The following DACH1 variants were observed in gnomAD, a reference collection of about 807,000 sequenced individuals.
The protein encoded by DACH1 is dachshund family transcription factor 1.
DACH1 carries 12 observed loss-of-function variants against 54.2 expected under a neutral mutation model. The ratio of observed to expected loss-of-function variants is 0.22; its 90% CI spans 0.14 to 0.36. The LOEUF (loss-of-function observed/expected upper bound fraction) is 0.36, where lower values mean the gene tolerates loss of function less well. DACH1 is among the 10% of genes least tolerant of loss of function. DACH1 has a pLI of 1.00. For synonymous variants in DACH1, 386 were observed against 366.2 expected, an observed-to-expected ratio of 1.05 and a Z score of -0.62; for missense variants, 805 against 929.8, an observed-to-expected ratio of 0.87 and a Z score of 1.75.
chr13:71,567,737 T>C (rs991766302), intron 4 of DACH1, among the ~76,000 whole-genome samples: 1 of 152,020 alleles, frequency 6.6e-6, no homozygotes. Context: ...TGGTTGGAGG[T>C]GATAAAGTCG....
chr13:71,543,403 C>T (rs1214352945), intron 6 of DACH1, among the ~76,000 whole-genome samples: 3 of 151,818 alleles, frequency 2.0e-5, no homozygotes, highest in Non-Finnish European at 2.9e-5. Flanking sequence ...ATGATTAAAA[C>T]AAATAATAAA....
At chr13:71,815,978 G>T (rs971891508) in intron 1 of DACH1, among the ~76,000 whole-genome samples, 1 of 151,810 alleles carries the variant, frequency 6.6e-6, no homozygotes, top group East Asian at 1.9e-4. Flanking sequence ...CCAGCTACTC[G>T]GGAGGCTGAG....
chr13:71,529,183 G>GTTTTTTTTTTGTTT (rs1299574030), intron 6 of DACH1, among the ~76,000 whole-genome samples: 1 of 80,980 alleles, frequency 1.2e-5, no homozygotes, highest in African/African-American at 4.4e-5. Context: ...TGTGATTTGG[G>GTTTTTTTTTTGTTT]TTTTTTTTTT....
intron 1 of DACH1, among the ~76,000 whole-genome samples, chr13:71,811,578 A>G (rs899778262): frequency 6.6e-6 from 1 of 152,184 alleles, no homozygotes; most frequent in South Asian, 2.1e-4. Flanking sequence ...ATTTAACTCA[A>G]CACGAGGAAA....
intron 6 of DACH1, among the ~76,000 whole-genome samples, chr13:71,521,026 A>G (rs1881561539): frequency 6.6e-6 from 1 of 152,050 alleles, no homozygotes; most frequent in African/African-American, 2.4e-5. Context: ...CATTATTTTA[A>G]GTGAATAGCA....
At chr13:71,851,300 C>T (rs1873644356) in intron 1 of DACH1, among the ~76,000 whole-genome samples, 1 of 152,050 alleles carries the variant, frequency 6.6e-6, no homozygotes, top group African/African-American at 2.4e-5. Flanking sequence ...CTATTTACTG[C>T]TACAGTTAAA....
intron 3 of DACH1, among the ~76,000 whole-genome samples, chr13:71,615,625 A>G (rs1365898998): frequency 6.6e-6 from 1 of 152,178 alleles, no homozygotes; most frequent in Non-Finnish European, 1.5e-5. Flanking sequence ...CCTGAGCTTG[A>G]CACAGGCTCA....
intron 6 of DACH1, among the ~76,000 whole-genome samples, chr13:71,540,256 G>A (rs17088321): frequency 0.039 from 5,929 of 152,052 alleles, 157 homozygotes; most frequent in East Asian, 0.13. Flanking sequence ...GGAAACCTAA[G>A]CAGAGGCAAA....
intron 1 of DACH1, among the ~76,000 whole-genome samples, chr13:71,843,760 G>A (rs987171249): frequency 6.6e-6 from 1 of 152,092 alleles, no homozygotes; most frequent in African/African-American, 2.4e-5. Flanking sequence ...AGCCCCAAGT[G>A]CAACACTCTT....
At chr13:71,706,317 A>C (rs1222756834) in intron 1 of DACH1, among the ~76,000 whole-genome samples, 1 of 151,888 alleles carries the variant, frequency 6.6e-6, no homozygotes, top group Non-Finnish European at 1.5e-5. Context: ...TTAAGAACTT[A>C]GTATTAATTG....
chr13:71,804,052 C>G (rs1211575552), intron 1 of DACH1, among the ~76,000 whole-genome samples: 1 of 152,120 alleles, frequency 6.6e-6, no homozygotes, highest in Admixed American at 6.6e-5. Context: ...GGTGTAGTGG[C>G]TCACATAGGT....
At chr13:71,603,328 C>G (rs1047267799) in intron 3 of DACH1, among the ~76,000 whole-genome samples, 10 of 151,916 alleles carry the variant, frequency 6.6e-5, no homozygotes, top group African/African-American at 2.4e-5. Flanking sequence ...CGCAACTATC[C>G]TAGTTTAAAG....
intron 1 of DACH1, among the ~76,000 whole-genome samples, chr13:71,827,530 C>T (rs1269565473): frequency 3.9e-5 from 6 of 151,962 alleles, no homozygotes; most frequent in African/African-American, 7.2e-5. Context: ...ATAGCAGAAG[C>T]GCCAGCAGAC....
chr13:71,759,497 C>T (rs913050373), intron 1 of DACH1, among the ~76,000 whole-genome samples: 4 of 152,092 alleles, frequency 2.6e-5, no homozygotes, highest in African/African-American at 7.2e-5. Flanking sequence ...CAATTTTTAA[C>T]TCTAATATCT....
At chr13:71,832,156 C>A (rs954405426) in intron 1 of DACH1, among the ~76,000 whole-genome samples, 1 of 151,908 alleles carries the variant, frequency 6.6e-6, no homozygotes, top group African/African-American at 2.4e-5. Context: ...AAGGATCTTT[C>A]TAAGATTTTC....
chr13:71,685,692 A>C (rs1881124802), intron 1 of DACH1, among the ~76,000 whole-genome samples: 1 of 152,174 alleles, frequency 6.6e-6, no homozygotes, highest in Admixed American at 6.5e-5. Context: ...TAACTGTAAA[A>C]TAATTGAATA....
intron 2 of DACH1, among the ~76,000 whole-genome samples, chr13:71,651,579 T>A (rs911370511): frequency 5.3e-5 from 8 of 152,024 alleles, no homozygotes; most frequent in African/African-American, 1.5e-4. Flanking sequence ...GAGAATCACT[T>A]GAGGCCAGGA....
intron 2 of DACH1, among the ~76,000 whole-genome samples, chr13:71,632,020 C>T (rs1299624683): frequency 6.6e-6 from 1 of 151,574 alleles, no homozygotes; most frequent in Non-Finnish European, 1.5e-5. Context: ...ATCAGTTGAG[C>T]CTAGGAGGTT....
intron 10 of DACH1, among the ~76,000 whole-genome samples, chr13:71,468,184 T>C (rs1396166288): frequency 1.3e-5 from 2 of 152,214 alleles, no homozygotes; most frequent in Non-Finnish European, 2.9e-5. Context: ...AAATTACATA[T>C]TAAAAGTAAT....
Sources: gnomAD v4.1 joint callset for allele counts (sites outside exome capture counted in the v4.1 genomes callset) on GRCh38, gnomAD v4.1.1 for gene constraint, MANE v1.5 for transcripts, NCBI Gene and HGNC (gene_info 2026-07-23, HGNC 2026-07-21) for gene names.